CSMD3: variants seen among roughly 807,000 people sequenced by gnomAD.
CSMD3 encodes CUB and sushi domain-containing protein 3.
A neutral mutation model predicts 435.2 loss-of-function variants in CSMD3; 177 were observed. The ratio of observed to expected loss-of-function variants is 0.41; its 90% CI spans 0.36 to 0.46. The LOEUF (loss-of-function observed/expected upper bound fraction) is 0.46. Ranked by LOEUF, CSMD3 falls within the 20% of genes least tolerant of loss-of-function variation. The pLI, the probability that CSMD3 is intolerant of heterozygous loss-of-function variation, is 0.34. For missense variants in CSMD3, 4,265 were observed against 4,504.6 expected (o/e 0.95, Z 1.52); for synonymous variants, 1,656 against 1,520.5 (o/e 1.09, Z -2.07).
In CSMD3 at chr8:112,859,253, G is replaced by C; in HGVS notation, c.1647C>G (p.Gly549=). 1 of 1,610,960 alleles carries C rather than the reference G, an allele frequency of 6.2e-7. No individual in the cohort carries two copies. The highest frequency in any genetic ancestry group is 8.5e-7 in the Non-Finnish European group (1 of 1,177,616). ...HRPVCKVKTC[G]SNLQGPSGTF... ...TACCACTTGGTCCTTGAAGATTAGA[G>C]CCACACGTTTTCACTAAAAGAGAAA... The change falls in exon 11 of 71, where the codon GGC becomes GGG. Residue 549 remains glycine, a synonymous_variant. Coordinates refer to ENST00000297405, the MANE Select transcript of CSMD3 (RefSeq NM_198123.2).
At chr8:112,533,460 C>A (rs1370559777) in intron 27 of CSMD3, among the ~76,000 whole-genome samples, 1 of 151,534 alleles carries the variant, frequency 6.6e-6, no homozygotes, top group African/African-American at 2.4e-5. Context: ...AAAAAAAGAG[C>A]AAGAGTAGCT....
At chr8:113,298,169 G>GAATAGA (rs1324089204) in intron 2 of CSMD3, among the ~76,000 whole-genome samples, 2 of 151,956 alleles carry the variant, frequency 1.3e-5, no homozygotes, top group African/African-American at 2.4e-5. Context: ...GATATGATAG[G>GAATAGA]AATATAGTTA....
At chr8:113,401,795 C>G (rs1314930558) in intron 1 of CSMD3, among the ~76,000 whole-genome samples, 1 of 151,388 alleles carries the variant, frequency 6.6e-6, no homozygotes, top group Admixed American at 6.6e-5. Context: ...TTTTCTGTAC[C>G]TTTTCTATGT....
At chr8:113,202,143 G>A (rs2092722043) in intron 3 of CSMD3, among the ~76,000 whole-genome samples, 1 of 151,934 alleles carries the variant, frequency 6.6e-6, no homozygotes, top group Non-Finnish European at 1.5e-5. Context: ...TATAAACCAG[G>A]GCTAGCATAA....
At chr8:113,180,727 T>C (rs2092411064) in intron 3 of CSMD3, among the ~76,000 whole-genome samples, 1 of 152,082 alleles carries the variant, frequency 6.6e-6, no homozygotes, top group South Asian at 2.1e-4. Flanking sequence ...AGGAATAGCA[T>C]GATTTAAACT....
chr8:113,142,690 G>C (rs551445909), intron 4 of CSMD3, among the ~76,000 whole-genome samples: 2 of 151,002 alleles, frequency 1.3e-5, no homozygotes, highest in East Asian at 3.9e-4. Context: ...CAACACAACA[G>C]AGTAACTACG....
intron 68 of CSMD3, 116 bp downstream of exon 68, chr8:112,234,249 T>C: frequency 4.9e-6 from 3 of 617,782 alleles, no homozygotes; most frequent in Non-Finnish European, 8.5e-6. Context: ...TATTTACTAA[T>C]ATATATGTAT....
At chr8:113,352,440 T>A (rs1189279751) in intron 1 of CSMD3, among the ~76,000 whole-genome samples, 1 of 152,044 alleles carries the variant, frequency 6.6e-6, no homozygotes, top group Admixed American at 6.6e-5. Context: ...CTTGCTAACA[T>A]CTTGACTTCA....
chr8:112,974,523 A>G (rs2084774568), intron 7 of CSMD3, among the ~76,000 whole-genome samples: 2 of 151,844 alleles, frequency 1.3e-5, no homozygotes. Context: ...ATTTTCTGGT[A>G]ATAAGACAAA....
At chr8:113,313,161 A>G (rs1005777321) in intron 2 of CSMD3, 8 of 152,130 alleles carry the variant, frequency 5.3e-5, no homozygotes, top group Admixed American at 5.2e-4. Flanking sequence ...CCTTACTACC[A>G]TCTCTCAGTT....
At chr8:112,477,673 G>T (rs10087242) in intron 31 of CSMD3, among the ~76,000 whole-genome samples, 38,430 of 152,076 alleles carry the variant, frequency 0.25, 4,993 homozygotes, top group East Asian at 0.38. Flanking sequence ...CCTTCTGCAA[G>T]GATTGCAAGC....
At chr8:112,565,622 T>C (rs1373788813) in intron 24 of CSMD3, among the ~76,000 whole-genome samples, 4 of 152,204 alleles carry the variant, frequency 2.6e-5, no homozygotes, top group Non-Finnish European at 5.9e-5. Flanking sequence ...ATTTCTCCAG[T>C]GGGATTTTTT....
intron 6 of CSMD3, among the ~76,000 whole-genome samples, chr8:112,990,593 T>A (rs891174655): frequency 6.6e-6 from 1 of 151,858 alleles, no homozygotes; most frequent in Non-Finnish European, 1.5e-5. Context: ...AGAAAATAAG[T>A]AAATAGTCCA....
intron 13 of CSMD3, among the ~76,000 whole-genome samples, chr8:112,774,132 C>A (rs2078189143): frequency 6.6e-6 from 1 of 152,004 alleles, no homozygotes; most frequent in South Asian, 2.1e-4. Context: ...CATCCTGACA[C>A]ATTAACTTCT....
intron 13 of CSMD3, among the ~76,000 whole-genome samples, chr8:112,705,431 T>C (rs1168611681): frequency 6.6e-6 from 1 of 152,088 alleles, no homozygotes; most frequent in Non-Finnish European, 1.5e-5. Flanking sequence ...ATTTAGGATT[T>C]CTTTGTCTAA....
At chr8:113,104,277 CATTTTTTCTACA>C (rs1347269212) in intron 4 of CSMD3, among the ~76,000 whole-genome samples, 21 of 152,166 alleles carry the variant, frequency 1.4e-4, no homozygotes, top group African/African-American at 4.8e-4. Flanking sequence ...TATCATGGAA[CATTTTTTCTACA>C]ATTCTCCTTT....
intron 13 of CSMD3, among the ~76,000 whole-genome samples, chr8:112,725,799 A>T (rs889475724): frequency 6.6e-6 from 1 of 151,974 alleles, no homozygotes; most frequent in African/African-American, 2.4e-5. Flanking sequence ...TCAATCCATA[A>T]AGTATTTATT....
At chr8:112,573,326 T>C (rs925355025) in intron 24 of CSMD3, among the ~76,000 whole-genome samples, 175 bp downstream of exon 24, 1 of 152,118 alleles carries the variant, frequency 6.6e-6, no homozygotes, top group African/African-American at 2.4e-5. Context: ...TGGCAATAGC[T>C]AAAATACCTG....
At chr8:113,222,895 C>T (rs1052821044) in intron 3 of CSMD3, among the ~76,000 whole-genome samples, 23 of 150,790 alleles carry the variant, frequency 1.5e-4, no homozygotes, top group Non-Finnish European at 2.4e-4. Context: ...CATGATATTT[C>T]GGCTTATTTT....
Sources: allele counts gnomAD v4.1 joint callset (sites outside exome capture counted in the v4.1 genomes callset), GRCh38; gene constraint gnomAD v4.1.1; transcripts MANE v1.5; gene names NCBI Gene and HGNC (gene_info 2026-07-23, HGNC 2026-07-21).